Variants in NKIRAS1 observed in about 807,000 individuals in gnomAD.
NKIRAS1 encodes the protein NFKB inhibitor interacting Ras like 1.
NKIRAS1 carries 16 observed loss-of-function variants against 19.8 expected under a neutral mutation model. The ratio of observed to expected loss-of-function variants is 0.81; its 90% confidence interval spans 0.55 to 1.23. NKIRAS1 has a LOEUF of 1.23. Among genes scored for constraint, NKIRAS1 ranks in the 50% most tolerant of loss-of-function variants. The pLI is 0.00. For synonymous variants in NKIRAS1, 88 were observed against 79.0 expected (o/e 1.11, Z -0.61); for missense variants, 184 against 220.0 (o/e 0.84, Z 1.04).
chr3:23,935,211 TA>T (rs11373254), intron 1 of NKIRAS1, among the ~76,000 whole-genome samples: 4 of 150,324 alleles, frequency 2.7e-5, no homozygotes, highest in African/African-American at 7.3e-5. Flanking sequence ...ATATTATTGT[TA>T]AAAAAAAACC....
chr3:23,944,924 A>AAGCCACCGCTTTGACCTAAG (rs1275142428), intron 1 of NKIRAS1, among the ~76,000 whole-genome samples: 2 of 151,950 alleles, frequency 1.3e-5, no homozygotes, highest in African/African-American at 2.4e-5. Flanking sequence ...GCTCGGCGCC[A>AAGCCACCGCTTTGACCTAAG]AGCCACCGCT....
intron 1 of NKIRAS1, chr3:23,946,070 C>T (rs895482688): frequency 4.1e-6 from 4 of 983,530 alleles, no homozygotes; most frequent in Non-Finnish European, 2.4e-6. Flanking sequence ...CGCAGCCTCC[C>T]GGGAGGCTCC....
chr3:23,898,443 T>TC (rs1226741193), intron 4 of NKIRAS1, among the ~76,000 whole-genome samples: 1 of 131,126 alleles, frequency 7.6e-6, no homozygotes, highest in Admixed American at 7.5e-5. Context: ...TATTGTATGA[T>TC]TTTTTTTTTT....
At chr3:23,921,494 C>G (rs185552135), upstream of NKIRAS1, 3 of 659,796 alleles carry the variant, frequency 4.5e-6, no homozygotes, top group African/African-American at 3.6e-5. Context: ...ATACCCTGAC[C>G]GCCCCACAAG....
chr3:23,934,327 T>C (rs529289797), intron 1 of NKIRAS1, among the ~76,000 whole-genome samples: 40 of 152,258 alleles, frequency 2.6e-4, no homozygotes, highest in African/African-American at 9.4e-4. Context: ...CCAAAAATAA[T>C]TGTATCCTTA....
chr3:23,912,188 C>T (rs947069552), intron 1 of NKIRAS1, among the ~76,000 whole-genome samples: 2 of 152,088 alleles, frequency 1.3e-5, no homozygotes, highest in African/African-American at 2.4e-5. Flanking sequence ...CCAAAATAGA[C>T]GAATGGGATC....
chr3:23,912,974 G>A (rs1559507622), intron 1 of NKIRAS1, among the ~76,000 whole-genome samples: 1 of 150,294 alleles, frequency 6.7e-6, no homozygotes, highest in Non-Finnish European at 1.5e-5. Flanking sequence ...AAATTAGGTG[G>A]GGCTTGCAGT....
chr3:23,940,491 T>C (rs1379619656), intron 1 of NKIRAS1, among the ~76,000 whole-genome samples: 1 of 152,164 alleles, frequency 6.6e-6, no homozygotes, highest in African/African-American at 2.4e-5. Context: ...GCTGGAGTTG[T>C]GTACTGTTTT....
intron 1 of NKIRAS1, among the ~76,000 whole-genome samples, chr3:23,936,981 T>G (rs1705405858): frequency 6.6e-6 from 1 of 152,214 alleles, no homozygotes; most frequent in South Asian, 2.1e-4. Context: ...CTTGGAGAAT[T>G]CACCAGTGGA....
intron 1 of NKIRAS1, among the ~76,000 whole-genome samples, chr3:23,913,406 T>G (rs1703980414): frequency 6.6e-6 from 1 of 152,206 alleles, no homozygotes; most frequent in African/African-American, 2.4e-5. Context: ...GTGTGATTAA[T>G]CAAAGCAGGC....
chr3:23,896,332 C>G (rs1478301889), intron 4 of NKIRAS1, among the ~76,000 whole-genome samples: 1 of 148,570 alleles, frequency 6.7e-6, no homozygotes, highest in African/African-American at 2.5e-5. Flanking sequence ...ATAAAACAAA[C>G]GGCCGGGCAT....
intron 4 of NKIRAS1, among the ~76,000 whole-genome samples, chr3:23,900,303 T>TA (rs1702384356): frequency 6.6e-6 from 1 of 152,160 alleles, no homozygotes; most frequent in South Asian, 2.1e-4. Context: ...ATTCTGGTCC[T>TA]AACTAAATTC....
rs1575053662 is a variant in NKIRAS1 at position 23,892,367 on chromosome 3, G to T, written c.*728C>A. 1 of 152,220 alleles carries T rather than the reference G, an allele frequency of 6.6e-6. No homozygotes were observed. Among genetic ancestry groups the T allele is most frequent in the East Asian group, 1.9e-4 (1 of 5,184 alleles). The allele number at this position is 152,220 out of a possible 1,614,324, so 9.4% of individuals were successfully genotyped here. The stretch of plus-strand genomic sequence containing the variant: ...TACAGTCTTCCTTCCAGAAAATACA[G>T]CTTTACTGTCCTTAAGTGCCTAATC... On this transcript the variant is annotated 3_prime_UTR_variant, in exon 5 of 5. Coordinates refer to ENST00000425478, the MANE Select transcript of NKIRAS1 (RefSeq NM_020345.4).
chr3:23,945,568 G>T, intron 1 of NKIRAS1: 1 of 1,165,894 alleles, frequency 8.6e-7, no homozygotes, highest in East Asian at 4.0e-5. Flanking sequence ...GGCCGCCTCC[G>T]CGAGGGCACC....
intron 1 of NKIRAS1, among the ~76,000 whole-genome samples, chr3:23,934,071 G>A (rs1477136672): frequency 6.6e-6 from 1 of 152,188 alleles, no homozygotes; most frequent in Non-Finnish European, 1.5e-5. Flanking sequence ...TAATTTGGAG[G>A]AACACATTCA....
At chr3:23,919,925 G>A (rs1022071974), upstream of NKIRAS1, 166 of 989,736 alleles carry the variant, frequency 1.7e-4, no homozygotes, top group African/African-American at 2.8e-3. Flanking sequence ...GACTTTTTAA[G>A]TTGGGCTTTA....
intron 1 of NKIRAS1, among the ~76,000 whole-genome samples, chr3:23,944,553 G>A (rs1214201817): frequency 6.6e-6 from 1 of 152,086 alleles, no homozygotes; most frequent in Non-Finnish European, 1.5e-5. Flanking sequence ...TACATTCAAG[G>A]TGAAACGCCC....
chr3:23,919,262 A>G (rs769440685), upstream of NKIRAS1: 5 of 1,612,904 alleles, frequency 3.1e-6, no homozygotes, highest in Non-Finnish European at 4.2e-6. Flanking sequence ...TGAAGATTCC[A>G]CATACAAATT....
chr3:23,891,576 G>C lies in NKIRAS1; in HGVS notation c.*1519C>G, dbSNP rs1194555358. 2 of 152,184 alleles carry C rather than the reference G, an allele frequency of 1.3e-5. No individual in the cohort carries two copies. The highest frequency in any genetic ancestry group is 2.9e-5 in the Non-Finnish European group (2 of 68,026). The allele number at this position is 152,184 out of a possible 1,614,324, so 9.4% of individuals were successfully genotyped here. On this transcript the variant is annotated 3_prime_UTR_variant, in exon 5 of 5. Coordinates refer to ENST00000425478, the MANE Select transcript of NKIRAS1 (RefSeq NM_020345.4). ...AAGCATTTTCTGACTTGCAGATGCT[G>C]TAGTAGCAAGTACATGAGAAATGGG...
Sources: gnomAD v4.1 joint callset for allele counts (sites outside exome capture counted in the v4.1 genomes callset) on GRCh38, gnomAD v4.1.1 for gene constraint, MANE v1.5 for transcripts, NCBI Gene and HGNC (gene_info 2026-07-23, HGNC 2026-07-21) for gene names.